CUX2: variants seen among roughly 807,000 people sequenced by gnomAD.
CUX2 encodes cut like homeobox 2.
CUX2 carries 40 observed loss-of-function variants against 144.8 expected under a neutral mutation model. That is an observed-to-expected ratio of 0.28 (90% confidence interval 0.21 to 0.36). CUX2 has a LOEUF of 0.36. CUX2 is among the 10% of genes least tolerant of loss of function. The pLI is 1.00. For synonymous variants in CUX2, 827 were observed against 875.6 expected, an observed-to-expected ratio of 0.94 and a Z score of 0.98; for missense variants, 1,615 against 1,994.0, an observed-to-expected ratio of 0.81 and a Z score of 3.62.
chr12:111,210,047 TG>T (rs1208664924), intron 1 of CUX2, among the ~76,000 whole-genome samples: 1 of 152,084 alleles, frequency 6.6e-6, no homozygotes, highest in Non-Finnish European at 1.5e-5. Flanking sequence ...CCCCCAGGGC[TG>T]GGGGGCTGGT....
At chr12:111,315,114 A>C (rs948714965) in intron 16 of CUX2, among the ~76,000 whole-genome samples, 1 of 152,168 alleles carries the variant, frequency 6.6e-6, no homozygotes, top group African/African-American at 2.4e-5. Flanking sequence ...GCAAGAGGAA[A>C]AATACAAAGG....
chr12:111,119,826 G>A (rs1274987223), intron 1 of CUX2, among the ~76,000 whole-genome samples: 1 of 152,264 alleles, frequency 6.6e-6, no homozygotes, highest in Non-Finnish European at 1.5e-5. Flanking sequence ...GGGGGGCCAA[G>A]GCGGGAGGAT....
intron 1 of CUX2, among the ~76,000 whole-genome samples, chr12:111,159,327 T>C (rs1322505937): frequency 6.7e-6 from 1 of 149,956 alleles, no homozygotes; most frequent in Non-Finnish European, 1.5e-5. Context: ...TTTTTTTTTT[T>C]TCCTAGAGAG....
chr12:111,128,014 A>C (rs1009378325), intron 1 of CUX2, among the ~76,000 whole-genome samples: 3 of 152,240 alleles, frequency 2.0e-5, no homozygotes, highest in Non-Finnish European at 4.4e-5. Context: ...GGGTGGGGAC[A>C]CAGAGCCAAA....
At chr12:111,232,835 C>A (rs1882547297) in intron 3 of CUX2, among the ~76,000 whole-genome samples, 1 of 152,190 alleles carries the variant, frequency 6.6e-6, no homozygotes, top group South Asian at 2.1e-4. Context: ...GCACCTACTG[C>A]CAGGCACTGC....
At chr12:111,071,102 T>G (rs1394297762) in intron 1 of CUX2, among the ~76,000 whole-genome samples, 1 of 147,750 alleles carries the variant, frequency 6.8e-6, no homozygotes, top group Non-Finnish European at 1.5e-5. Flanking sequence ...TTTTTTTTTG[T>G]GGACATAAGT....
intron 4 of CUX2, among the ~76,000 whole-genome samples, chr12:111,269,221 G>A (rs958787154): frequency 6.6e-6 from 1 of 152,144 alleles, no homozygotes; most frequent in Non-Finnish European, 1.5e-5. Context: ...AATGCACCAG[G>A]CCTCGGACTA....
intron 2 of CUX2, among the ~76,000 whole-genome samples, chr12:111,215,604 C>G (rs1881487949): frequency 6.6e-6 from 1 of 152,162 alleles, no homozygotes; most frequent in African/African-American, 2.4e-5. Flanking sequence ...CTCCAAGAGC[C>G]AAGAAGGCAT....
At chr12:111,227,619 T>TC (rs1882222486) in intron 3 of CUX2, among the ~76,000 whole-genome samples, 1 of 152,036 alleles carries the variant, frequency 6.6e-6, no homozygotes, top group Non-Finnish European at 1.5e-5. Context: ...CAGCCTTGTG[T>TC]CCCCCTCCTG....
chr12:111,243,675 T>C (rs1362540307), intron 3 of CUX2, among the ~76,000 whole-genome samples: 3 of 152,028 alleles, frequency 2.0e-5, no homozygotes, highest in African/African-American at 7.2e-5. Context: ...GGCTAAGATG[T>C]ACCTCTTAAG....
chr12:111,091,026 CAG>C (rs1214788086), intron 1 of CUX2, among the ~76,000 whole-genome samples: 1 of 152,190 alleles, frequency 6.6e-6, no homozygotes, highest in Non-Finnish European at 1.5e-5. Flanking sequence ...TGAAATCTGA[CAG>C]AGTGAGTCTG....
At chr12:111,159,839 A>C (rs1219237226) in intron 1 of CUX2, among the ~76,000 whole-genome samples, 2 of 152,232 alleles carry the variant, frequency 1.3e-5, no homozygotes, top group Non-Finnish European at 2.9e-5. Flanking sequence ...AGCCTGGCCA[A>C]CATGGTGAAA....
chr12:111,304,502 A>G lies in CUX2; in HGVS notation c.858+188A>G, dbSNP rs896243841. Reference sequence around the variant, plus strand: ...CATAATCACTATGACCTGCTACACCAGCTGAGGATAAAAATACAGCTACAG... The same window carrying G: ...CATAATCACTATGACCTGCTACACCGGCTGAGGATAAAAATACAGCTACAG... On this transcript the variant is annotated intron_variant, in intron 10 of 21. Transcript: ENST00000261726. This position sits in a 1 kb window ranked among gnomAD's most constrained non-coding sequence, Gnocchi z 4.7. Among the ~76,000 whole-genome samples, 5 of 152,208 alleles carry G rather than the reference A, an allele frequency of 3.3e-5. No individual in the cohort carries two copies. Among genetic ancestry groups the G allele is most frequent in the Non-Finnish European group, 5.9e-5 (4 of 68,028 alleles).
chr12:111,232,212 AATATAT>A (rs10534011), intron 3 of CUX2, among the ~76,000 whole-genome samples: 10 of 148,552 alleles, frequency 6.7e-5, no homozygotes, highest in Non-Finnish European at 1.3e-4. Context: ...CTGAAAAAAA[AATATAT>A]ATATATATAC....
chr12:111,035,041 A>T lies in CUX2; in HGVS notation c.63+801A>T, dbSNP rs1413006905. Among the ~76,000 whole-genome samples, 1 of 151,840 alleles carries T rather than the reference A, an allele frequency of 6.6e-6. No homozygotes were observed. The highest frequency in any genetic ancestry group is 1.9e-4 in the East Asian group (1 of 5,150). On this transcript the variant is annotated intron_variant, in intron 1 of 21. Coordinates refer to ENST00000261726, the MANE Select transcript of CUX2 (RefSeq NM_015267.4). The surrounding 1 kb of genome is among the most constrained non-coding windows in gnomAD (Gnocchi z 6.0). ...GGTGGAGGTGGGCCCGGGCGCTCGCAAGTTTGCGCTCCTGCCTCCAGGGCG... is the reference window on the plus strand; with the variant it reads ...GGTGGAGGTGGGCCCGGGCGCTCGCTAGTTTGCGCTCCTGCCTCCAGGGCG...
rs541745118 is a variant in CUX2 at position 111,150,412 on chromosome 12, G to T, written c.64-63788G>T. Among the ~76,000 whole-genome samples, 48 of 152,264 alleles carry T rather than the reference G, an allele frequency of 3.2e-4. 1 individual carries two copies. The highest frequency in any genetic ancestry group is 2.5e-3 in the Admixed American group (38 of 15,288). On this transcript the variant is annotated intron_variant, in intron 1 of 21. Transcript: ENST00000261726. ...CACATGCCCCTCTTGCCAAAGCCAC[G>T]CAAAGAAACAAGTCTGGTGTTTTAT...
chr12:111,193,941 T>A lies in CUX2; in HGVS notation c.64-20259T>A, dbSNP rs1261948460. ...CAGTGAAGGAAACCAACATTCTGGATGCCAAGGTTGGGCTCCTCCGCAACC... is the reference window on the plus strand; with the variant it reads ...CAGTGAAGGAAACCAACATTCTGGAAGCCAAGGTTGGGCTCCTCCGCAACC... On this transcript the variant is annotated intron_variant, in intron 1 of 21. Coordinates refer to ENST00000261726, the MANE Select transcript of CUX2 (RefSeq NM_015267.4). Among the ~76,000 whole-genome samples, 8 of 131,902 alleles carry A rather than the reference T, an allele frequency of 6.1e-5. No individual in the cohort carries two copies. In the East Asian group the frequency reaches 1.9e-3, roughly 31 times the overall value. 86.5% of individuals were successfully genotyped at this position (131,902 alleles called of 152,430 possible).
chr12:111,209,787 C>T (rs1014686047), intron 1 of CUX2, among the ~76,000 whole-genome samples: 8 of 152,192 alleles, frequency 5.3e-5, no homozygotes, highest in African/African-American at 1.4e-4. Flanking sequence ...CACCCGGTCC[C>T]GGGTGCAGCT....
rs1012515087 is a variant in CUX2 at position 111,123,086 on chromosome 12, C to T, written c.63+88846C>T. Among the ~76,000 whole-genome samples, 4 of 152,342 alleles carry T rather than the reference C, an allele frequency of 2.6e-5. No individual in the cohort carries two copies. In the East Asian group the frequency reaches 5.8e-4, roughly 22 times the overall value. On this transcript the variant is annotated intron_variant, in intron 1 of 21. Transcript: ENST00000261726. ...AGGCCTGCTGGGCCCCAGGAGCCTT[C>T]CGTGTCTCTGGCTGACCCAGTCCTG...
Sources: gnomAD v4.1 joint callset for allele counts (sites outside exome capture counted in the v4.1 genomes callset) on GRCh38, gnomAD v4.1.1 for gene constraint, Gnocchi (gnomAD v3.1) non-coding constraint, MANE v1.5 for transcripts, NCBI Gene and HGNC (gene_info 2026-07-23, HGNC 2026-07-21) for gene names.